The following COX7B2 variants were observed in gnomAD, a reference collection of about 807,000 sequenced individuals.
The protein encoded by COX7B2 is cytochrome c oxidase subunit 7B2, mitochondrial.
For synonymous variants in COX7B2, 37 were observed against 32.1 expected (o/e 1.15, Z -0.51); for missense variants, 109 against 95.9 (o/e 1.14, Z -0.57).
chr4:46,798,786 C>T (rs199776860), intron 2 of COX7B2, among the ~76,000 whole-genome samples: 2 of 152,264 alleles, frequency 1.3e-5, no homozygotes, highest in East Asian at 1.9e-4. Context: ...GTGATATATA[C>T]ATGATGGGTC....
chr4:46,735,100 T>C lies in COX7B2; in HGVS notation c.93A>G (p.Ser31=). ...SMARHSHVKH[S]PDFHDKYGNA... ...TACCATATTTATCATGAAAATCTGG[T>C]GAGTGTTTTACATGGCTATGTCTTG... Residue 31 remains serine (S), a synonymous_variant, in exon 3 of 3, where the codon TCA becomes TCG. Transcript: ENST00000355591. 1 of 1,614,048 alleles carries C rather than the reference T, an allele frequency of 6.2e-7. No individual in the cohort carries two copies. The highest frequency in any genetic ancestry group is 8.5e-7 in the Non-Finnish European group (1 of 1,179,958).
At chr4:46,790,132 T>TCTG (rs1717961443) in intron 2 of COX7B2, among the ~76,000 whole-genome samples, 2 of 152,294 alleles carry the variant, frequency 1.3e-5, no homozygotes, top group South Asian at 4.1e-4. Context: ...TACCATGATG[T>TCTG]CTGCTTAGAC....
chr4:46,800,987 T>C (rs1006206184), intron 2 of COX7B2, among the ~76,000 whole-genome samples: 2 of 152,072 alleles, frequency 1.3e-5, no homozygotes, highest in African/African-American at 4.8e-5. Context: ...AACAGGCATA[T>C]GAAAAATTCT....
intron 1 of COX7B2, among the ~76,000 whole-genome samples, chr4:46,903,703 C>T (rs564199551): frequency 6.6e-6 from 1 of 152,250 alleles, no homozygotes; most frequent in Non-Finnish European, 1.5e-5. Flanking sequence ...TTTAACTACA[C>T]AAATACTGAC....
intron 2 of COX7B2, among the ~76,000 whole-genome samples, chr4:46,843,449 G>C (rs1260484211): frequency 6.6e-6 from 1 of 151,972 alleles, no homozygotes; most frequent in African/African-American, 2.4e-5. Flanking sequence ...CCACAGTCAT[G>C]ATTTTTACAA....
rs201979971 is a variant in COX7B2 at position 46,762,026 on chromosome 4, TATTA to T, written c.-49-26789_-49-26786del. Among the ~76,000 whole-genome samples, 1,314 of 151,520 alleles carry T rather than the reference TATTA, an allele frequency of 8.7e-3. 24 individuals carry two copies. Among genetic ancestry groups the T allele is most frequent in the African/African-American group, 0.029 (1,201 of 41,312 alleles). The stretch of plus-strand genomic sequence containing the variant: ...AATGCTAGTGTCAGCTCTGCAACTT[TATTA>T]ATTATGTGACCTTGAGCAGGGTGCA... On this transcript the variant is annotated intron_variant, in intron 2 of 2. Transcript: ENST00000355591.
In COX7B2 at chr4:46,885,222, C is replaced by A. The variant is rs936478780; in HGVS notation, c.-105+23938G>T. On this transcript the variant is annotated intron_variant, in intron 1 of 2. Coordinates refer to ENST00000355591, the MANE Select transcript of COX7B2 (RefSeq NM_130902.3). ...GAAAATTATAATATATAAGGCACTACTGGATATAAATGTGAATTTAAAACT... is the reference window on the plus strand; with the variant it reads ...GAAAATTATAATATATAAGGCACTAATGGATATAAATGTGAATTTAAAACT... Among the ~76,000 whole-genome samples the A allele has an allele frequency of 7.9e-5, 12 of 151,948 alleles. No homozygotes were observed. The East Asian group carries it at 2.3e-3, about 29-fold the overall frequency.
intron 2 of COX7B2, among the ~76,000 whole-genome samples, chr4:46,797,809 C>T (rs1718443226): frequency 6.6e-6 from 1 of 152,180 alleles, no homozygotes; most frequent in Non-Finnish European, 1.5e-5. Context: ...GATGAGGTTG[C>T]ATTGCTTGGG....
intron 1 of COX7B2, among the ~76,000 whole-genome samples, chr4:46,850,974 C>T (rs1032491221): frequency 6.6e-6 from 1 of 152,030 alleles, no homozygotes; most frequent in African/African-American, 2.4e-5. Context: ...TCCTTCTCTT[C>T]GGATGTGAAC....
chr4:46,821,995 T>G (rs1714331495), intron 2 of COX7B2, among the ~76,000 whole-genome samples: 1 of 152,176 alleles, frequency 6.6e-6, no homozygotes, highest in Non-Finnish European at 1.5e-5. Flanking sequence ...CACTGCAAGC[T>G]CTACTTCCTG....
In COX7B2 at chr4:46,900,472, C is replaced by T. The variant is rs896392660; in HGVS notation, c.-105+8688G>A. Among the ~76,000 whole-genome samples the T allele has an allele frequency of 3.3e-4, 50 of 152,186 alleles. No individual in the cohort carries two copies. In the Middle Eastern group the frequency reaches 0.014, roughly 41 times the overall value. ...AACTGACCTGGCTCTCACTGTCTCACCAGAAATGTAAGAACTGGTGGCAGG... is the reference window on the plus strand; with the variant it reads ...AACTGACCTGGCTCTCACTGTCTCATCAGAAATGTAAGAACTGGTGGCAGG... On this transcript the variant is annotated intron_variant, in intron 1 of 2. Coordinates refer to ENST00000355591, the MANE Select transcript of COX7B2 (RefSeq NM_130902.3).
chr4:46,879,198 C>T (rs1384748920), intron 1 of COX7B2, among the ~76,000 whole-genome samples: 6 of 152,090 alleles, frequency 3.9e-5, no homozygotes, highest in Admixed American at 6.6e-5. Context: ...TCATAGCTCA[C>T]TGATGCCTTG....
intron 2 of COX7B2, among the ~76,000 whole-genome samples, chr4:46,800,026 C>T (rs1006731156): frequency 6.6e-6 from 1 of 151,858 alleles, no homozygotes; most frequent in African/African-American, 2.4e-5. Context: ...AATTTCAGAA[C>T]TCGTTATTAG....
At chr4:46,875,662 C>CTGTTAG in intron 1 of COX7B2, among the ~76,000 whole-genome samples, 1 of 152,018 alleles carries the variant, frequency 6.6e-6, no homozygotes, top group East Asian at 1.9e-4. Context: ...AACAGCATCC[C>CTGTTAG]ATTTTAGTTA....
intron 2 of COX7B2, among the ~76,000 whole-genome samples, chr4:46,809,012 G>A (rs1168675725): frequency 6.6e-6 from 1 of 151,768 alleles, no homozygotes; most frequent in Non-Finnish European, 1.5e-5. Flanking sequence ...GTCTTTGTCT[G>A]ACTTAGGTAT....
chr4:46,869,187 G>C (rs1717845809), intron 1 of COX7B2, among the ~76,000 whole-genome samples: 1 of 151,994 alleles, frequency 6.6e-6, no homozygotes, highest in African/African-American at 2.4e-5. Flanking sequence ...AGTTAGGATT[G>C]CAACCCCTGA....
intron 2 of COX7B2, among the ~76,000 whole-genome samples, chr4:46,755,714 A>C (rs1046918535): frequency 7.9e-5 from 12 of 152,058 alleles, no homozygotes; most frequent in African/African-American, 2.6e-4. Flanking sequence ...ATCCCATTTA[A>C]CATGATACAA....
chr4:46,819,007 A>T (rs1714075628), intron 2 of COX7B2, among the ~76,000 whole-genome samples: 1 of 152,258 alleles, frequency 6.6e-6, no homozygotes, highest in South Asian at 2.1e-4. Flanking sequence ...TTTTAAATGC[A>T]TGATTGAATA....
chr4:46,843,006 A>G (rs1466479385), intron 2 of COX7B2, among the ~76,000 whole-genome samples: 1 of 152,096 alleles, frequency 6.6e-6, no homozygotes, highest in African/African-American at 2.4e-5. Flanking sequence ...GAACTAGCTT[A>G]CAGTCCCACC....
Sources: allele counts gnomAD v4.1 joint callset (sites outside exome capture counted in the v4.1 genomes callset), GRCh38; gene constraint gnomAD v4.1.1; transcripts MANE v1.5; gene names NCBI Gene and HGNC (gene_info 2026-07-23, HGNC 2026-07-21).